AGAP4: variants seen among roughly 807,000 people sequenced by gnomAD.
AGAP4 encodes ArfGAP with GTPase domain, ankyrin repeat and PH domain 4.
A neutral mutation model predicts 60.7 loss-of-function variants in AGAP4; 13 were observed. That is an observed-to-expected ratio of 0.21 (90% confidence interval 0.14 to 0.34). AGAP4 has a LOEUF of 0.34. AGAP4 is among the 10% of genes least tolerant of loss of function. The probability of loss-of-function intolerance (pLI) is 1.00; values close to 1 mark genes in which losing one functional copy is unlikely to be tolerated. For missense variants in AGAP4, 169 were observed against 884.0 expected, an observed-to-expected ratio of 0.19 and a Z score of 10.26; for synonymous variants, 70 against 339.0, an observed-to-expected ratio of 0.21 and a Z score of 8.72.
intron 2 of AGAP4, 65 bp from the exon 3 acceptor site, chr10:45,844,459 T>C: frequency 6.3e-7 from 1 of 1,592,094 alleles, no homozygotes; most frequent in South Asian, 1.1e-5. Flanking sequence ...TCAACTCGTT[T>C]ATTCGACTGC....
At chr10:45,852,239 A>C (rs2573435), upstream of AGAP4, among the ~76,000 whole-genome samples, 10 of 136,190 alleles carry the variant, frequency 7.3e-5, no homozygotes, top group Admixed American at 2.2e-4. Flanking sequence ...AAAAAAAAAA[A>C]AAAACTACTG....
At chr10:45,837,724 T>G (rs1452626181) in intron 4 of AGAP4, among the ~76,000 whole-genome samples, 2 of 151,468 alleles carry the variant, frequency 1.3e-5, no homozygotes, top group African/African-American at 4.8e-5. Flanking sequence ...CAACTCAAGA[T>G]GGATCAAGGA....
In AGAP4 at chr10:45,844,406, G is replaced by A; in HGVS notation, c.293-12C>T. 6.3e-7 allele frequency: 1 copy of A among 1,593,688 alleles called. No individual in the cohort carries two copies. Among genetic ancestry groups the A allele is most frequent in the Non-Finnish European group, 8.5e-7 (1 of 1,179,394 alleles). On this transcript the variant is annotated splice_polypyrimidine_tract_variant and intron_variant, in intron 2 of 7. Coordinates refer to ENST00000616763, the MANE Select transcript of AGAP4 (RefSeq NM_001276343.3). The stretch of plus-strand genomic sequence containing the variant: ...GTTAAACTCCAAAGCTATATGCATA[G>A]AGGAAGAAAAGAAAAAAAGATGTAA...
At chr10:45,829,960 T>G (rs75980034) in intron 6 of AGAP4, among the ~76,000 whole-genome samples, 2 of 147,028 alleles carry the variant, frequency 1.4e-5, no homozygotes, top group African/African-American at 5.0e-5. Flanking sequence ...AATGCAAGTA[T>G]GGAGCAAAAG....
At chr10:45,834,806 C>G (rs1488835881) in intron 4 of AGAP4, among the ~76,000 whole-genome samples, 5 of 144,706 alleles carry the variant, frequency 3.5e-5, no homozygotes, top group Non-Finnish European at 4.4e-5. Flanking sequence ...CGGAGTCTCG[C>G]TCTGTCGCCC....
rs1262957024 is a variant in AGAP4 at position 45,844,426 on chromosome 10, A to G, written c.293-32T>C. The G allele has an allele frequency of 1.8e-4, 284 of 1,593,318 alleles. 14 individuals carry two copies. In the African/African-American group the frequency reaches 3.5e-3, roughly 19 times the overall value. On this transcript the variant is annotated intron_variant, in intron 2 of 7. Coordinates refer to ENST00000616763, the MANE Select transcript of AGAP4 (RefSeq NM_001276343.3). ...GCATAGAGGAAGAAAAGAAAAAAAGATGTAATCATTGATAAAAATTTATCA... is the reference window on the plus strand; with the variant it reads ...GCATAGAGGAAGAAAAGAAAAAAAGGTGTAATCATTGATAAAAATTTATCA...
At chr10:45,841,112 T>A (rs1419998827) in intron 4 of AGAP4, among the ~76,000 whole-genome samples, 2 of 91,758 alleles carry the variant, frequency 2.2e-5, no homozygotes, top group Non-Finnish European at 4.5e-5. Context: ...CAATTTTTTT[T>A]TTTTTTTTGA....
rs1378781291 is a variant in AGAP4 at position 45,834,394 on chromosome 10, C to T, written c.397-278G>A. On this transcript the variant is annotated intron_variant, in intron 4 of 7. Coordinates refer to ENST00000616763, the MANE Select transcript of AGAP4 (RefSeq NM_001276343.3). ...TAAAAATAATGGGAAAAGTCGGCTT[C>T]GCGGGGCACGGTGGCTCACACCTGT... Among the ~76,000 whole-genome samples, 20 of 141,982 alleles carry T rather than the reference C, an allele frequency of 1.4e-4. 1 individual carries two copies. Among genetic ancestry groups the T allele is most frequent in the African/African-American group, 5.5e-4 (19 of 34,852 alleles). 93.1% of individuals were successfully genotyped at this position (141,982 alleles called of 152,430 possible).
At chr10:45,828,595 G>T in intron 6 of AGAP4, among the ~76,000 whole-genome samples, 1 of 145,746 alleles carries the variant, frequency 6.9e-6, no homozygotes, top group Non-Finnish European at 1.5e-5. Context: ...CATTGTGCCT[G>T]TGTATAAACC....
chr10:45,851,022 G>C (rs2917175), upstream of AGAP4, among the ~76,000 whole-genome samples: 188 of 151,352 alleles, frequency 1.2e-3, 1 homozygote, highest in African/African-American at 3.6e-3. Flanking sequence ...TCATTTATTA[G>C]TTTCATGGAG....
chr10:45,849,337 C>T (rs1268673765), upstream of AGAP4, among the ~76,000 whole-genome samples: 1 of 151,890 alleles, frequency 6.6e-6, no homozygotes, highest in Admixed American at 6.6e-5. Context: ...CCCTAGGCCC[C>T]TCCCTCGACA....
chr10:45,848,666 T>A (rs1457327606), upstream of AGAP4, among the ~76,000 whole-genome samples: 6 of 152,096 alleles, frequency 3.9e-5, no homozygotes, highest in Admixed American at 3.9e-4. Context: ...ATTCCCCAGT[T>A]GCTTAAGCAT....
At position 45,831,459 on chromosome 10, in the gene AGAP4, G is replaced by C. The variant is rs1168070685; in HGVS notation, c.498-30C>G. On this transcript the variant is annotated intron_variant, in intron 5 of 7. Transcript: ENST00000616763. ...GGAAGGAAAAAAATTCATAACAATA[G>C]ATGTTAACATTTGTTAGGCCTGAAG... 134 of 1,587,238 alleles carry C rather than the reference G, an allele frequency of 8.4e-5. 9 individuals carry two copies. The highest frequency in any genetic ancestry group is 1.0e-4 in the Non-Finnish European group (122 of 1,171,478).
At position 45,844,914 on chromosome 10, in the gene AGAP4, C is replaced by A. The variant is rs1239065207; in HGVS notation, c.293-520G>T. On this transcript the variant is annotated intron_variant, in intron 2 of 7. Transcript: ENST00000616763. The stretch of plus-strand genomic sequence containing the variant: ...GCTGTCTTCCATAGTCATGTGATAT[C>A]TCTAAGTTTTCATTTCTTCGTTAGC... Among the ~76,000 whole-genome samples the A allele has an allele frequency of 4.1e-5, 5 of 121,648 alleles. 1 individual carries two copies. Among genetic ancestry groups the A allele is most frequent in the Admixed American group, 1.6e-4 (2 of 12,800 alleles). 79.8% of individuals were successfully genotyped at this position (121,648 alleles called of 152,430 possible).
upstream of AGAP4, chr10:45,848,003 G>A: frequency 2.0e-6 from 2 of 1,015,408 alleles, no homozygotes; most frequent in Non-Finnish European, 2.4e-6. Flanking sequence ...CTTCCTCTAT[G>A]AGTTCTATAC....
At chr10:45,846,866 T>C in intron 1 of AGAP4, 111 bp from the exon 2 acceptor site, 2 of 729,016 alleles carry the variant, frequency 2.7e-6, no homozygotes, top group East Asian at 2.7e-5. Context: ...AATGGTCCCA[T>C]GCCAGCCTGG....
intron 4 of AGAP4, among the ~76,000 whole-genome samples, chr10:45,835,078 ATTAT>A (rs2058797304): frequency 6.9e-6 from 1 of 145,344 alleles, no homozygotes; most frequent in Non-Finnish European, 1.5e-5. Flanking sequence ...CAGCCCTTCT[ATTAT>A]TTATTTACTA....
At chr10:45,852,582 T>A (rs1307549311) in intron 1 of AGAP4, among the ~76,000 whole-genome samples, 1 of 151,690 alleles carries the variant, frequency 6.6e-6, no homozygotes, top group Non-Finnish European at 1.5e-5. Flanking sequence ...AGAATCATTA[T>A]CATAGGAAGC....
chr10:45,834,781 T>A lies in AGAP4; in HGVS notation c.397-665A>T, dbSNP rs1294821269. On this transcript the variant is annotated intron_variant, in intron 4 of 7. Transcript: ENST00000616763. ...ATTTCTATTAATTAATTAATTTATT[T>A]ATTTATTTTTGAGACGGAGTCTCGC... Among the ~76,000 whole-genome samples, 1,138 of 143,040 alleles carry A rather than the reference T, an allele frequency of 8.0e-3. 22 individuals carry two copies. Among genetic ancestry groups the A allele is most frequent in the Non-Finnish European group, 0.011 (764 of 67,452 alleles). 93.8% of individuals were successfully genotyped at this position (143,040 alleles called of 152,430 possible).
Sources: gnomAD v4.1 joint callset for allele counts (sites outside exome capture counted in the v4.1 genomes callset) on GRCh38, gnomAD v4.1.1 for gene constraint, MANE v1.5 for transcripts, NCBI Gene and HGNC (gene_info 2026-07-23, HGNC 2026-07-21) for gene names.